Variants in HSF2 observed in about 807,000 individuals in gnomAD.
HSF2 encodes the protein heat shock factor protein 2.
HSF2 carries 21 observed loss-of-function variants against 65.0 expected under a neutral mutation model. The ratio of observed to expected loss-of-function variants is 0.32; its 90% confidence interval spans 0.23 to 0.47. The LOEUF (loss-of-function observed/expected upper bound fraction) is 0.47. Among genes scored for constraint, HSF2 ranks in the 20% least tolerant of loss-of-function variants. HSF2 has a pLI of 1.00. For synonymous variants in HSF2, 225 were observed against 219.1 expected (o/e 1.03, Z -0.24); for missense variants, 499 against 628.1 (o/e 0.79, Z 2.20).
chr6:122,412,577 C>T (rs1774025113), intron 2 of HSF2, 60 bp from the exon 3 acceptor site: 1 of 1,585,778 alleles, frequency 6.3e-7, no homozygotes, highest in Non-Finnish European at 8.6e-7. Context: ...TTATTCCATA[C>T]AAGCACCACC....
chr6:122,430,951 T>C (rs1774450725), intron 11 of HSF2, among the ~76,000 whole-genome samples: 1 of 152,204 alleles, frequency 6.6e-6, no homozygotes, highest in Non-Finnish European at 1.5e-5. Flanking sequence ...TAAAGAGTTT[T>C]AAGGATGTCA....
intron 11 of HSF2, 110 bp downstream of exon 11, chr6:122,428,066 TTACCCAGTATG>T (rs2114454873): frequency 3.3e-6 from 2 of 611,614 alleles, no homozygotes; most frequent in East Asian, 5.9e-5. Flanking sequence ...TTTTATATTC[TTACCCAGTATG>T]TGTGATCAAG....
chr6:122,405,049 A>G (rs2114420506), intron 1 of HSF2, among the ~76,000 whole-genome samples: 1 of 152,288 alleles, frequency 6.6e-6, no homozygotes, highest in East Asian at 1.9e-4. Flanking sequence ...TGTGCTAGGT[A>G]TCAGGAATTC....
At chr6:122,425,032 A>C (rs1774309780) in intron 10 of HSF2, among the ~76,000 whole-genome samples, 1 of 151,944 alleles carries the variant, frequency 6.6e-6, no homozygotes, top group Admixed American at 6.6e-5. Context: ...TCTTAGAAGT[A>C]ATTCCTTAAA....
intron 5 of HSF2, among the ~76,000 whole-genome samples, chr6:122,416,642 G>T (rs892928640): frequency 6.6e-6 from 1 of 151,730 alleles, no homozygotes; most frequent in South Asian, 2.1e-4. Flanking sequence ...AGCCTTACTG[G>T]TTTTTTTTGT....
chr6:122,420,642 T>G (rs1387078986), intron 7 of HSF2, among the ~76,000 whole-genome samples: 2 of 150,740 alleles, frequency 1.3e-5, no homozygotes, highest in African/African-American at 4.9e-5. Context: ...TGTGGCTTTT[T>G]TTTAACTTGA....
At chr6:122,426,963 A>G (rs2114453524) in intron 10 of HSF2, among the ~76,000 whole-genome samples, 1 of 152,170 alleles carries the variant, frequency 6.6e-6, no homozygotes, top group Middle Eastern at 3.4e-3. Context: ...CGCTAGTATT[A>G]TACCCGTGTG....
chr6:122,415,716 G>A (rs112946928), intron 4 of HSF2, among the ~76,000 whole-genome samples: 4 of 152,128 alleles, frequency 2.6e-5, no homozygotes, highest in African/African-American at 9.6e-5. Context: ...CTACACTTAG[G>A]AAGGAATGAT....
chr6:122,422,140 G>C lies in HSF2; in HGVS notation c.682-10G>C, dbSNP rs1774249421. ...GATTTTTAGATATATTTTTCTCTCTGAATTTTTAGGTTCCACACAGTAGGA... is the reference window on the plus strand; with the variant it reads ...GATTTTTAGATATATTTTTCTCTCTCAATTTTTAGGTTCCACACAGTAGGA... On this transcript the variant is annotated splice_polypyrimidine_tract_variant and intron_variant, in intron 7 of 12. Coordinates refer to ENST00000368455, the MANE Select transcript of HSF2 (RefSeq NM_004506.4). 6.4e-7 allele frequency: 1 copy of C among 1,560,430 alleles called. No homozygotes were observed. Among genetic ancestry groups the C allele is most frequent in the Non-Finnish European group, 8.7e-7 (1 of 1,154,206 alleles).
In HSF2 at chr6:122,432,195, G is replaced by C; in HGVS notation, c.1586G>C (p.Ser529Thr). 6.2e-7 allele frequency: 1 copy of C among 1,613,336 alleles called. No individual in the cohort carries two copies. The highest frequency in any genetic ancestry group is 1.1e-5 in the South Asian group (1 of 91,034). Residue 529 changes from serine (S) to threonine (T), a missense_variant, in exon 13 of 13, where the codon AGT (serine) becomes ACT (threonine). Ser to Thr is a moderately conservative substitution (Grantham distance 58). This residue lies in a region of HSF2 where 349 missense variants were observed against 393.5 expected (regional missense o/e 0.89). Coordinates refer to ENST00000368455, the MANE Select transcript of HSF2 (RefSeq NM_004506.4). The part of the protein sequence containing the change: ...LCELAPAPLD[S>T]DMPLLDS ...GAACTTGCTCCTGCACCTCTGGATA[G>C]TGATATGCCACTTTTAGATAGCTAA...
At chr6:122,425,710 C>CCCCT (rs1430927670) in intron 10 of HSF2, among the ~76,000 whole-genome samples, 5 of 151,964 alleles carry the variant, frequency 3.3e-5, no homozygotes, top group African/African-American at 9.7e-5. Flanking sequence ...TTAAGGGCAT[C>CCCCT]CCCTAATGCA....
At chr6:122,410,083 G>A (rs1773956374) in intron 1 of HSF2, among the ~76,000 whole-genome samples, 1 of 151,724 alleles carries the variant, frequency 6.6e-6, no homozygotes, top group South Asian at 2.1e-4. Flanking sequence ...GTATTGGGTA[G>A]GGTTAAAATA....
At chr6:122,402,224 ACAT>A (rs1273958641) in intron 1 of HSF2, among the ~76,000 whole-genome samples, 1 of 152,334 alleles carries the variant, frequency 6.6e-6, no homozygotes, top group East Asian at 1.9e-4. Flanking sequence ...ATGCAAGTTG[ACAT>A]CATATTTAGT....
chr6:122,403,849 A>G (rs781768111), intron 1 of HSF2, among the ~76,000 whole-genome samples: 3 of 152,202 alleles, frequency 2.0e-5, no homozygotes, highest in Non-Finnish European at 2.9e-5. Flanking sequence ...GAGAGGGCAC[A>G]TATTAGCTTG....
At position 122,422,939 on chromosome 6, in the gene HSF2, A is replaced by T; in HGVS notation, c.1052A>T (p.Asn351Ile). The T allele has an allele frequency of 6.2e-7, 1 of 1,613,376 alleles. No homozygotes were observed. The highest frequency in any genetic ancestry group is 8.5e-7 in the Non-Finnish European group (1 of 1,179,526). ...ATGATGGATTCCATTTTGAATGATA[A>T]CATCAATCTTTTGGGAAAGTGAGTG... ...VTMMDSILND[N>I]INLLGKVELL... is the part of the protein sequence containing the mutation. Residue 351 changes from asparagine (N) to isoleucine (I), a missense_variant, in exon 9 of 13, where the codon AAC becomes ATC. Asn to Ile is a moderately radical substitution (Grantham distance 149, BLOSUM62 -3). Transcript: ENST00000368455.
At chr6:122,413,384 C>G in intron 3 of HSF2, 141 bp from the exon 4 acceptor site, 1 of 610,992 alleles carries the variant, frequency 1.6e-6, no homozygotes. Flanking sequence ...TTTATTCTTT[C>G]CCTAGCATTT....
chr6:122,430,526 AT>A (rs1445244703), intron 11 of HSF2, among the ~76,000 whole-genome samples: 2 of 152,094 alleles, frequency 1.3e-5, no homozygotes, highest in African/African-American at 2.4e-5. Flanking sequence ...GTGATGAAAT[AT>A]TTTTATGTAC....
chr6:122,401,994 C>T (rs1773744053), intron 1 of HSF2, among the ~76,000 whole-genome samples: 1 of 152,142 alleles, frequency 6.6e-6, no homozygotes, highest in African/African-American at 2.4e-5. Context: ...GGTTTGAATG[C>T]GGCCCAGCAC....
chr6:122,420,738 A>ATTTTT (rs1562203810), intron 7 of HSF2, among the ~76,000 whole-genome samples: 14 of 84,332 alleles, frequency 1.7e-4, no homozygotes, highest in East Asian at 3.4e-4. Flanking sequence ...TTGAGATGGG[A>ATTTTT]TTTCACTCTG....
Sources: gnomAD v4.1 joint callset for allele counts (sites outside exome capture counted in the v4.1 genomes callset) on GRCh38, gnomAD v4.1.1 for gene constraint, gnomAD v4.1.1 regional missense constraint, MANE v1.5 for transcripts, NCBI Gene and HGNC (gene_info 2026-07-23, HGNC 2026-07-21) for gene names.